The following NEDD9 variants were observed in gnomAD, a reference collection of about 807,000 sequenced individuals.
The protein encoded by NEDD9 is enhancer of filamentation 1.
NEDD9 carries 26 observed loss-of-function variants against 76.6 expected under a neutral mutation model. The observed-to-expected ratio is 0.34, with a 90% confidence interval of 0.25 to 0.47. NEDD9 has a LOEUF of 0.47. NEDD9 is among the 20% of genes least tolerant of loss of function. The pLI is 1.00. For missense variants in NEDD9, 937 were observed against 1,058.5 expected (o/e 0.89, Z 1.59); for synonymous variants, 392 against 414.2 (o/e 0.95, Z 0.65).
At chr6:11,371,303 G>A (rs1762870389) in intron 1 of NEDD9, among the ~76,000 whole-genome samples, 1 of 152,166 alleles carries the variant, frequency 6.6e-6, no homozygotes, top group Non-Finnish European at 1.5e-5. Context: ...ATAGTTGACA[G>A]TAGGGTTCGC....
rs898837918 is a variant in NEDD9 at position 11,232,355 on chromosome 6, G to A, written c.12+149C>T. ...AGACCGGGTCTCTGCTTGCTTGTCT[G>A]CTTGCATGTCAACCTCAGTGACCGA... On this transcript the variant is annotated intron_variant, in intron 1 of 6. Transcript: ENST00000379446. The A allele has an allele frequency of 5.4e-6, 5 of 919,810 alleles. No individual in the cohort carries two copies. In the Admixed American group the frequency reaches 8.3e-5, roughly 15 times the overall value. The allele number at this position is 919,810 out of a possible 1,614,324, so 57.0% of individuals were successfully genotyped here. A position where few individuals can be genotyped will look rare whatever the true frequency, so the allele number is the denominator to read the frequency against.
chr6:11,380,197 C>T (rs1345061681), intron 1 of NEDD9, among the ~76,000 whole-genome samples: 3 of 152,334 alleles, frequency 2.0e-5, no homozygotes, highest in East Asian at 1.9e-4. Flanking sequence ...GGAAAACAGA[C>T]GACTAAACTC....
intron 1 of NEDD9, among the ~76,000 whole-genome samples, chr6:11,340,223 C>G (rs1762245781): frequency 6.6e-6 from 1 of 152,162 alleles, no homozygotes; most frequent in South Asian, 2.1e-4. Context: ...TTCCTTCAGT[C>G]TTGTTTTTGA....
At chr6:11,318,395 A>G (rs901538127) in intron 2 of NEDD9, among the ~76,000 whole-genome samples, 1 of 152,140 alleles carries the variant, frequency 6.6e-6, no homozygotes, top group Non-Finnish European at 1.5e-5. Context: ...GGAGCGGGGG[A>G]TGAGAAACAC....
chr6:11,371,728 C>A (rs1002331429), intron 1 of NEDD9, among the ~76,000 whole-genome samples: 1 of 152,208 alleles, frequency 6.6e-6, no homozygotes, highest in African/African-American at 2.4e-5. Flanking sequence ...GGTACATCAA[C>A]GTGTGCTACA....
intron 3 of NEDD9, among the ~76,000 whole-genome samples, chr6:11,192,932 C>CAAAAAAAAAA (rs71550759): frequency 3.5e-5 from 1 of 28,172 alleles, no homozygotes. Context: ...GACTCTGTCT[C>CAAAAAAAAAA]AAAAAAAAAA....
chr6:11,237,059 T>C (rs1163621619), upstream of NEDD9, among the ~76,000 whole-genome samples: 3 of 152,100 alleles, frequency 2.0e-5, no homozygotes, highest in Non-Finnish European at 4.4e-5. This position sits in a 1 kb window ranked among gnomAD's most constrained non-coding sequence, Gnocchi z 4.9. Context: ...TGCTGTCAAG[T>C]TTGGCCTCAA....
intron 3 of NEDD9, among the ~76,000 whole-genome samples, chr6:11,245,747 G>A (rs1366198426): frequency 6.6e-6 from 1 of 152,138 alleles, no homozygotes; most frequent in Non-Finnish European, 1.5e-5. Flanking sequence ...CATTTGATTT[G>A]TGGAAATACT....
intron 3 of NEDD9, among the ~76,000 whole-genome samples, chr6:11,268,917 A>G (rs1462029681): frequency 6.6e-6 from 1 of 152,228 alleles, no homozygotes; most frequent in Non-Finnish European, 1.5e-5. Flanking sequence ...CTTCTCTGTA[A>G]GAAATTTCAG....
intron 3 of NEDD9, among the ~76,000 whole-genome samples, chr6:11,282,135 G>A (rs1030307145): frequency 6.6e-6 from 1 of 152,214 alleles, no homozygotes; most frequent in Non-Finnish European, 1.5e-5. Context: ...TACTTGACCT[G>A]TAGCACAAGG....
chr6:11,313,247 G>A (rs1033818265), intron 2 of NEDD9, among the ~76,000 whole-genome samples: 3 of 152,072 alleles, frequency 2.0e-5, no homozygotes, highest in Non-Finnish European at 2.9e-5. Context: ...TGAATAGATA[G>A]ATGGTGGGTG....
chr6:11,306,714 T>C (rs1761195185), intron 2 of NEDD9, among the ~76,000 whole-genome samples: 1 of 152,232 alleles, frequency 6.6e-6, no homozygotes, highest in Non-Finnish European at 1.5e-5. Context: ...TGCCTGACTC[T>C]ACCTCTTACC....
chr6:11,213,772 C>T lies in NEDD9; in HGVS notation c.13-45G>A, dbSNP rs759683438. 48 of 1,584,706 alleles carry T rather than the reference C, an allele frequency of 3.0e-5. 1 individual carries two copies. In the Admixed American group the frequency reaches 5.1e-4, roughly 17 times the overall value. ...AGGAAACCGTGTTAGAATATTGGGTCGGTCCCTTTATCACCTAAGGCCCGT... is the reference window on the plus strand; with the variant it reads ...AGGAAACCGTGTTAGAATATTGGGTTGGTCCCTTTATCACCTAAGGCCCGT... On this transcript the variant is annotated intron_variant, in intron 1 of 6. Transcript: ENST00000379446. The surrounding 1 kb of genome is among the most constrained non-coding windows in gnomAD (Gnocchi z 5.4).
At chr6:11,323,215 C>A (rs756342165) in intron 2 of NEDD9, among the ~76,000 whole-genome samples, 9 of 152,232 alleles carry the variant, frequency 5.9e-5, no homozygotes, top group Non-Finnish European at 1.3e-4. Context: ...CAAGGCTGAT[C>A]TAACTCTCTT....
chr6:11,211,964 A>AGTATCCTAATCTT (rs34779794), intron 2 of NEDD9, among the ~76,000 whole-genome samples: 1 of 152,138 alleles, frequency 6.6e-6, no homozygotes, highest in East Asian at 1.9e-4. Flanking sequence ...GGCTCTCCAC[A>AGTATCCTAATCTT]GGGTCTCTAG....
chr6:11,333,210 T>G (rs1359696354), intron 2 of NEDD9, among the ~76,000 whole-genome samples: 1 of 152,072 alleles, frequency 6.6e-6, no homozygotes, highest in Non-Finnish European at 1.5e-5. Flanking sequence ...TTGGGTTCCA[T>G]CCATGAGATT....
chr6:11,213,234 G>GA lies in NEDD9; in HGVS notation c.459+46dup, dbSNP rs112584586. ...TTTCCAAATGCTCCAAGTGTAATGG[G>GA]AAAAAAAAATAAGTAGGAACAAAAA... On this transcript the variant is annotated intron_variant, in intron 2 of 6. Coordinates refer to ENST00000379446, the MANE Select transcript of NEDD9 (RefSeq NM_006403.4). This position sits in a 1 kb window ranked among gnomAD's most constrained non-coding sequence, Gnocchi z 5.4. 1,124 of 1,481,424 alleles carry GA rather than the reference G, an allele frequency of 7.6e-4. 1 individual carries two copies. Among genetic ancestry groups the GA allele is most frequent in the Admixed American group, 2.3e-3 (108 of 47,112 alleles). 91.8% of individuals were successfully genotyped at this position (1,481,424 alleles called of 1,614,324 possible).
At chr6:11,326,934 A>G (rs1346577322) in intron 2 of NEDD9, among the ~76,000 whole-genome samples, 1 of 152,256 alleles carries the variant, frequency 6.6e-6, no homozygotes, top group Non-Finnish European at 1.5e-5. Flanking sequence ...AGAACCAGGA[A>G]AAAGAGAGAA....
rs371746541 is a variant in NEDD9, at chr6:11,190,779, C to A, written c.1090G>T (p.Gly364Trp). Reference sequence around the variant, plus strand: ...CTGGAGAAAGACAATCGGTTGATCCCATCCACCAAGTCCCGAGAGCCTTTA... The same window carrying A: ...CTGGAGAAAGACAATCGGTTGATCCAATCCACCAAGTCCCGAGAGCCTTTA... ...DAKGSRDLVD[G>W]INRLSFSSTG... Residue 364 changes from glycine to tryptophan, a missense_variant, in exon 5 of 7, where the codon GGG (glycine) becomes TGG (tryptophan). Gly to Trp is a radical substitution (Grantham distance 184). Transcript: ENST00000379446. The surrounding 1 kb of genome is among the most constrained non-coding windows in gnomAD (Gnocchi z 5.8). 1 of 1,614,192 alleles carries A rather than the reference C, an allele frequency of 6.2e-7. No individual in the cohort carries two copies. The highest frequency in any genetic ancestry group is 1.1e-5 in the South Asian group (1 of 91,080).
Sources: gnomAD v4.1 joint callset for allele counts (sites outside exome capture counted in the v4.1 genomes callset) on GRCh38, gnomAD v4.1.1 for gene constraint, Gnocchi (gnomAD v3.1) non-coding constraint, MANE v1.5 for transcripts, NCBI Gene and HGNC (gene_info 2026-07-23, HGNC 2026-07-21) for gene names.